Variants in GPR89B observed in about 807,000 individuals in gnomAD.
GPR89B encodes the protein golgi pH regulator B, also known as G protein-coupled receptor 89B.
A neutral mutation model predicts 52.4 loss-of-function variants in GPR89B; 25 were observed. The ratio of observed to expected loss-of-function variants is 0.48; its 90% CI spans 0.35 to 0.67. The LOEUF is 0.67. Among genes scored for constraint, GPR89B ranks in the 30% least tolerant of loss-of-function variants. The pLI, the probability that GPR89B is intolerant of heterozygous loss-of-function variation, is 0.01. For missense variants in GPR89B, 146 were observed against 450.2 expected (o/e 0.32, Z 6.11); for synonymous variants, 52 against 151.2 (o/e 0.34, Z 4.81).
the GPR89B span, among the ~76,000 whole-genome samples, chr1:148,012,770 GACATTTTC>G: frequency 6.6e-6 from 1 of 151,884 alleles, no homozygotes; most frequent in Admixed American, 6.6e-5. Context: ...AAGAGCTAGG[GACATTTTC>G]ACTGAAGGCT....
At chr1:147,981,555 A>G (rs1658253651) in intron 10 of GPR89B, among the ~76,000 whole-genome samples, 1 of 150,340 alleles carries the variant, frequency 6.7e-6, no homozygotes, top group African/African-American at 2.5e-5. Context: ...TTTTATAGGT[A>G]CACCACATTT....
At chr1:148,003,993 A>T in the GPR89B span, 1 of 532,774 alleles carries the variant, frequency 1.9e-6, no homozygotes, top group African/African-American at 2.2e-5. Flanking sequence ...CTGTAACAAC[A>T]CACACAGATG....
chr1:148,006,550 C>A, the GPR89B span, among the ~76,000 whole-genome samples: 1 of 152,154 alleles, frequency 6.6e-6, no homozygotes, highest in South Asian at 2.1e-4. Flanking sequence ...ATACCGAACC[C>A]TATATGTTTT....
chr1:147,990,577 T>A (rs1658988244), intron 12 of GPR89B, among the ~76,000 whole-genome samples: 1 of 152,210 alleles, frequency 6.6e-6, no homozygotes, highest in Non-Finnish European at 1.5e-5. Context: ...TTTTTATGGT[T>A]TTACATCTAA....
At chr1:148,004,200 AG>A in the GPR89B span, among the ~76,000 whole-genome samples, 1 of 145,366 alleles carries the variant, frequency 6.9e-6, no homozygotes, top group African/African-American at 2.5e-5. Flanking sequence ...TCTTTCGCCC[AG>A]GCTGGAGTGC....
chr1:147,964,838 TTTG>T (rs1201624548), intron 7 of GPR89B, among the ~76,000 whole-genome samples: 1 of 147,498 alleles, frequency 6.8e-6, no homozygotes, highest in Non-Finnish European at 1.5e-5. Flanking sequence ...GTCATTAGTG[TTTG>T]TTGTAGACAC....
chr1:148,003,577 G>A, the GPR89B span, among the ~76,000 whole-genome samples: 1 of 152,226 alleles, frequency 6.6e-6, no homozygotes, highest in African/African-American at 2.4e-5. Context: ...CCGTTGCCCA[G>A]ATCCCAAATT....
At chr1:148,010,515 A>G in the GPR89B span, 2 of 152,278 alleles carry the variant, frequency 1.3e-5, no homozygotes, top group Non-Finnish European at 2.9e-5. Flanking sequence ...GCTTTTTCAC[A>G]TGACTCAAAA....
At chr1:147,936,833 A>G (rs1654131960) in intron 2 of GPR89B, 147 bp downstream of exon 2, 2 of 725,680 alleles carry the variant, frequency 2.8e-6, no homozygotes, top group East Asian at 2.6e-5. Context: ...TGGAGAATAT[A>G]AGTAGACTTA....
At chr1:147,974,982 C>T (rs1462776471) in intron 10 of GPR89B, among the ~76,000 whole-genome samples, 20 of 151,886 alleles carry the variant, frequency 1.3e-4, no homozygotes, top group South Asian at 4.2e-4. Flanking sequence ...TTTATTGATT[C>T]GTGTATGTTG....
At chr1:147,957,920 C>T (rs1489518608) in intron 7 of GPR89B, among the ~76,000 whole-genome samples, 110 of 151,648 alleles carry the variant, frequency 7.3e-4, no homozygotes, top group African/African-American at 2.4e-3. Context: ...AAAAAGTAGC[C>T]GGGCGTGGTG....
chr1:147,984,869 G>A (rs1243200157), intron 10 of GPR89B, among the ~76,000 whole-genome samples: 6 of 151,788 alleles, frequency 4.0e-5, no homozygotes, highest in African/African-American at 1.5e-4. Context: ...AACATATTTT[G>A]TATGATATGA....
chr1:148,019,721 A>G, the GPR89B span, among the ~76,000 whole-genome samples: 2 of 152,078 alleles, frequency 1.3e-5, no homozygotes, highest in Non-Finnish European at 2.9e-5. Flanking sequence ...AGTAAACAGC[A>G]AAAGAACGCT....
chr1:147,936,752 A>G, intron 2 of GPR89B, 66 bp downstream of exon 2: 1 of 1,332,178 alleles, frequency 7.5e-7, no homozygotes, highest in Non-Finnish European at 1.1e-6. Flanking sequence ...AAATGTCTCC[A>G]TTAAAGAAAC....
chr1:147,954,996 GA>G (rs1284110203), intron 7 of GPR89B, among the ~76,000 whole-genome samples: 2 of 151,592 alleles, frequency 1.3e-5, no homozygotes, highest in East Asian at 1.9e-4. Flanking sequence ...ATGTTGCAAA[GA>G]AAAAAAACCT....
intron 5 of GPR89B, among the ~76,000 whole-genome samples, chr1:147,948,460 A>AG (rs1342226570): frequency 6.6e-6 from 1 of 151,452 alleles, no homozygotes; most frequent in Non-Finnish European, 1.5e-5. Flanking sequence ...ATGCATATCC[A>AG]GGTGATGTTA....
At chr1:148,004,250 G>A in the GPR89B span, among the ~76,000 whole-genome samples, 4 of 150,664 alleles carry the variant, frequency 2.7e-5, no homozygotes, top group Admixed American at 2.0e-4. Context: ...TCTGCCTCCC[G>A]GGTTCACGCC....
At chr1:148,015,518 G>T in the GPR89B span, among the ~76,000 whole-genome samples, 1 of 145,888 alleles carries the variant, frequency 6.9e-6, no homozygotes, top group African/African-American at 2.6e-5. Context: ...GTTTCATCAT[G>T]TTGGCCAGGA....
chr1:147,988,890 G>A (rs1200429541), intron 12 of GPR89B, among the ~76,000 whole-genome samples: 9 of 141,616 alleles, frequency 6.4e-5, no homozygotes, highest in African/African-American at 2.3e-4. Flanking sequence ...GGTACCATGA[G>A]ATAATTTTAC....
Sources: allele counts gnomAD v4.1 joint callset (sites outside exome capture counted in the v4.1 genomes callset), GRCh38; gene constraint gnomAD v4.1.1; transcripts MANE v1.5; gene names NCBI Gene and HGNC (gene_info 2026-07-23, HGNC 2026-07-21).